Variants in KIF3C observed in about 807,000 individuals in gnomAD.
KIF3C encodes kinesin family member 3C, also known as kinesin-like protein KIF3C.
KIF3C carries 12 observed loss-of-function variants against 67.7 expected under a neutral mutation model. The ratio of observed to expected loss-of-function variants is 0.18; its 90% CI spans 0.11 to 0.29. The LOEUF is 0.29. Among genes scored for constraint, KIF3C ranks in the 10% least tolerant of loss-of-function variants. KIF3C has a pLI of 1.00. For synonymous variants in KIF3C, 393 were observed against 426.2 expected (o/e 0.92, Z 0.96); for missense variants, 789 against 1,059.6 (o/e 0.74, Z 3.55).
intron 1 of KIF3C, among the ~76,000 whole-genome samples, chr2:25,975,947 G>T (rs958605926): frequency 3.3e-5 from 5 of 151,834 alleles, no homozygotes; most frequent in African/African-American, 7.3e-5. Flanking sequence ...GACAGAGTGA[G>T]ACTCCGCCTC....
chr2:25,970,216 A>G (rs115125457), intron 1 of KIF3C, among the ~76,000 whole-genome samples: 1 of 152,160 alleles, frequency 6.6e-6, no homozygotes, highest in Admixed American at 6.6e-5. Context: ...TGGGTTATGG[A>G]GTCAGGCAGA....
rs1275905436 is a variant in KIF3C, at chr2:25,974,093, C to T, written c.1545+6280G>A. On this transcript the variant is annotated intron_variant, in intron 1 of 7. Coordinates refer to ENST00000264712, the MANE Select transcript of KIF3C (RefSeq NM_002254.8). Reference sequence around the variant, plus strand: ...AATTCTCTTTTTTTCTTTTTTGAGACGGAGTCTCACTCTGTCACCAGGCTG... The same window carrying T: ...AATTCTCTTTTTTTCTTTTTTGAGATGGAGTCTCACTCTGTCACCAGGCTG... Among the ~76,000 whole-genome samples the T allele has an allele frequency of 2.6e-5, 4 of 152,204 alleles. No individual in the cohort carries two copies. The East Asian group carries it at 7.7e-4, about 29-fold the overall frequency.
In KIF3C at chr2:25,928,825, A is replaced by T; in HGVS notation, c.*153T>A. 1.6e-6 allele frequency: 1 copy of T among 615,490 alleles called. No homozygotes were observed. The highest frequency in any genetic ancestry group is 2.9e-6 in the Non-Finnish European group (1 of 349,414). 38.1% of individuals were successfully genotyped at this position (615,490 alleles called of 1,614,324 possible). ...TTAAATAAAGGAGGCGAAGAAGAGC[A>T]GGCAGAGGCACCATCTGCCAGATTC... On this transcript the variant is annotated 3_prime_UTR_variant, in exon 8 of 8. Transcript: ENST00000264712.
In KIF3C at chr2:25,956,397, G is replaced by A; in HGVS notation, c.1593C>T (p.His531=). Residue 531 remains histidine, a synonymous_variant, in exon 2 of 8, where the codon CAC becomes CAT. Transcript: ENST00000264712. ...CCAACATCTTCTGCTGTTCGTTGGT[G>A]TGATCCATGATGTTCCTGCCCCCGA... ...LLIGGRNIMD[H]TNEQQKMLEL... is the part of the protein sequence containing the mutation. 6.2e-7 allele frequency: 1 copy of A among 1,614,160 alleles called. No homozygotes were observed. Among genetic ancestry groups the A allele is most frequent in the Non-Finnish European group, 8.5e-7 (1 of 1,180,028 alleles).
intron 1 of KIF3C, among the ~76,000 whole-genome samples, chr2:25,963,260 C>T (rs781193087): frequency 8.3e-6 from 1 of 120,084 alleles, no homozygotes; most frequent in Non-Finnish European, 1.6e-5. Context: ...GGCTGGAGTG[C>T]AGTGGTGCAC....
intron 5 of KIF3C, among the ~76,000 whole-genome samples, chr2:25,937,184 AG>A (rs1324801948): frequency 6.6e-6 from 1 of 152,264 alleles, no homozygotes; most frequent in African/African-American, 2.4e-5. Flanking sequence ...AAAAGGCGAC[AG>A]TTGGAAGAGG....
At chr2:25,953,116 A>C (rs943040266) in intron 4 of KIF3C, among the ~76,000 whole-genome samples, 2 of 151,424 alleles carry the variant, frequency 1.3e-5, no homozygotes, top group African/African-American at 4.8e-5. Flanking sequence ...TAAAAATGCA[A>C]ACATTAGTCA....
At chr2:25,939,956 A>G (rs1663241545) in intron 5 of KIF3C, among the ~76,000 whole-genome samples, 1 of 152,040 alleles carries the variant, frequency 6.6e-6, no homozygotes, top group Admixed American at 6.6e-5. Flanking sequence ...TCTCAAAAAA[A>G]TAAAAATGAA....
chr2:25,956,448 G>C lies in KIF3C; in HGVS notation c.1546-4C>G. The C allele has an allele frequency of 1.2e-6, 2 of 1,611,130 alleles. No homozygotes were observed. Among genetic ancestry groups the C allele is most frequent in the Non-Finnish European group, 1.7e-6 (2 of 1,177,558 alleles). On this transcript the variant is annotated splice_region_variant and splice_polypyrimidine_tract_variant and intron_variant, in intron 1 of 7. Transcript: ENST00000264712. ...TGAGGAGCTTGCTCTCCATGGCCTGGGGACACAGAGGGGTTGGGAGGTGGG... is the reference window on the plus strand; with the variant it reads ...TGAGGAGCTTGCTCTCCATGGCCTGCGGACACAGAGGGGTTGGGAGGTGGG...
At chr2:25,962,953 TATATAATATATATAATATATA>T (rs1664017007) in intron 1 of KIF3C, among the ~76,000 whole-genome samples, 1 of 35,898 alleles carries the variant, frequency 2.8e-5, no homozygotes, top group African/African-American at 2.4e-4. Flanking sequence ...TAATATATAA[TATATAATATATATAATATATA>T]ATATATAATA....
chr2:25,977,002 T>C (rs2149244339), intron 1 of KIF3C, among the ~76,000 whole-genome samples: 1 of 152,196 alleles, frequency 6.6e-6, no homozygotes, highest in South Asian at 2.1e-4. Flanking sequence ...CCTAGTATGT[T>C]ATCAAGCTCC....
chr2:25,957,440 G>C (rs897435616), intron 1 of KIF3C, among the ~76,000 whole-genome samples: 3 of 152,166 alleles, frequency 2.0e-5, no homozygotes, highest in Admixed American at 2.0e-4. Flanking sequence ...TTCTGGTTTG[G>C]GGGGGTGCCC....
In KIF3C at chr2:25,981,997, A is replaced by C. The variant is rs1277799995; in HGVS notation, c.-80T>G. On this transcript the variant is annotated 5_prime_UTR_variant, in exon 1 of 8. Transcript: ENST00000264712. This position sits in a 1 kb window ranked among gnomAD's most constrained non-coding sequence, Gnocchi z 8.2. ...CTATCCTGCTCGCTAGGTCGGGATC[A>C]GCGGGGCCGGCCCAGCCCCCAGGCG... The C allele has an allele frequency of 2.5e-6, 3 of 1,220,032 alleles. No individual in the cohort carries two copies. Among genetic ancestry groups the C allele is most frequent in the Non-Finnish European group, 3.4e-6 (3 of 894,732 alleles). 75.6% of individuals were successfully genotyped at this position (1,220,032 alleles called of 1,614,324 possible).
At chr2:25,979,444 A>T (rs1664506362) in intron 1 of KIF3C, among the ~76,000 whole-genome samples, 1 of 152,162 alleles carries the variant, frequency 6.6e-6, no homozygotes, top group African/African-American at 2.4e-5. Context: ...CCATAGAATT[A>T]TCAGATAGGT....
intron 5 of KIF3C, among the ~76,000 whole-genome samples, chr2:25,946,457 A>T (rs560482676): frequency 6.6e-6 from 1 of 152,190 alleles, no homozygotes; most frequent in South Asian, 2.1e-4. Flanking sequence ...TTGGTGGGCG[A>T]GGTGGGCAGA....
At chr2:25,963,009 A>G (rs1574492591) in intron 1 of KIF3C, among the ~76,000 whole-genome samples, 1 of 48,228 alleles carries the variant, frequency 2.1e-5, no homozygotes, top group Admixed American at 4.2e-4. Flanking sequence ...TATATAATAT[A>G]TAATATATAT....
At position 25,950,080 on chromosome 2, in the gene KIF3C, C is replaced by T. The variant is rs1429945874; in HGVS notation, c.2006+1709G>A. 5.3e-5 allele frequency among the ~76,000 whole-genome samples: 8 copies of T among 150,320 alleles called. No individual in the cohort carries two copies. In the South Asian group the frequency reaches 1.5e-3, roughly 28 times the overall value. Reference sequence around the variant, plus strand: ...TAATTTTTTGTATTTTTAGTAGAGACGGGGTTTCACCACGTTGGCCAGGCT... The same window carrying T: ...TAATTTTTTGTATTTTTAGTAGAGATGGGGTTTCACCACGTTGGCCAGGCT... On this transcript the variant is annotated intron_variant, in intron 5 of 7. Coordinates refer to ENST00000264712, the MANE Select transcript of KIF3C (RefSeq NM_002254.8).
In KIF3C at chr2:25,944,599, C is replaced by T. The variant is rs535137434; in HGVS notation, c.2006+7190G>A. On this transcript the variant is annotated intron_variant, in intron 5 of 7. Transcript: ENST00000264712. ...TGCCTAGGCTCAAGCCATCTACCTG[C>T]TTCAGTCTCCTAAAGTGCTGGGATT... is the stretch of plus-strand genomic sequence containing the variant. Among the ~76,000 whole-genome samples the T allele has an allele frequency of 3.2e-3, 494 of 152,208 alleles. 1 individual carries two copies. Among genetic ancestry groups the T allele is most frequent in the African/African-American group, 0.011 (475 of 41,532 alleles).
chr2:25,945,671 G>C (rs189126702), intron 5 of KIF3C, among the ~76,000 whole-genome samples: 1 of 151,302 alleles, frequency 6.6e-6, no homozygotes. Context: ...GAGGATTAGC[G>C]TGAAGCCAGG....
Sources: allele counts gnomAD v4.1 joint callset (sites outside exome capture counted in the v4.1 genomes callset), GRCh38; gene constraint gnomAD v4.1.1; non-coding constraint Gnocchi (gnomAD v3.1); transcripts MANE v1.5; gene names NCBI Gene and HGNC (gene_info 2026-07-23, HGNC 2026-07-21).